Variants in DCAF8 observed in about 807,000 individuals in gnomAD.
DCAF8 encodes the protein DDB1- and CUL4-associated factor 8.
In DCAF8, 20 loss-of-function variants were observed where a neutral mutation model predicts 68.0. That is an observed-to-expected ratio of 0.29 (90% confidence interval 0.21 to 0.43). The LOEUF (loss-of-function observed/expected upper bound fraction) is 0.43, where lower values mean the gene tolerates loss of function less well. Among genes scored for constraint, DCAF8 ranks in the 20% least tolerant of loss-of-function variants. DCAF8 has a pLI of 1.00. For missense variants in DCAF8, 460 were observed against 771.0 expected, an observed-to-expected ratio of 0.60 and a Z score of 4.78; for synonymous variants, 230 against 276.9, an observed-to-expected ratio of 0.83 and a Z score of 1.68.
At chr1:160,219,194 T>A in intron 11 of DCAF8, 1 of 500,230 alleles carries the variant, frequency 2.0e-6, no homozygotes, top group Non-Finnish European at 3.5e-6. Context: ...TATGTATAGG[T>A]CGGGGGTGGC....
intron 6 of DCAF8, among the ~76,000 whole-genome samples, chr1:160,235,082 T>C (rs548651037): frequency 6.6e-6 from 1 of 152,332 alleles, no homozygotes; most frequent in South Asian, 2.1e-4. Context: ...CCTATGTAAA[T>C]CATTGCCATC....
Position 160,218,422 on chromosome 1 carries a change from G to A in DCAF8, c.1579C>T (p.Arg527Trp), listed in dbSNP as rs910347725. The change falls in exon 13 of 14, where the codon CGG becomes TGG. Residue 527 changes from arginine to tryptophan, a missense_variant. This residue lies in a region of DCAF8 where 80 missense variants were observed against 115.1 expected (regional missense o/e 0.70). Transcript: ENST00000368074. ...GLKDVIKKNKRERDEDSLHQT... is the reference protein window; with the variant it reads ...GLKDVIKKNKWERDEDSLHQT... ...TGCAAGCTATCTTCATCCCGCTCCCGCTTGTTCTTCTTAATCACCTGGAAC... is the reference window on the plus strand; with the variant it reads ...TGCAAGCTATCTTCATCCCGCTCCCACTTGTTCTTCTTAATCACCTGGAAC... The A allele has an allele frequency of 2.5e-6, 4 of 1,613,912 alleles. No homozygotes were observed. Among genetic ancestry groups the A allele is most frequent in the African/African-American group, 1.3e-5 (1 of 74,894 alleles).
chr1:160,247,750 T>C (rs185540560), intron 2 of DCAF8, among the ~76,000 whole-genome samples: 14 of 152,290 alleles, frequency 9.2e-5, no homozygotes, highest in East Asian at 5.8e-4. Flanking sequence ...ATTTTTTAAT[T>C]TGGGATGCTC....
intron 11 of DCAF8, among the ~76,000 whole-genome samples, chr1:160,222,094 C>G (rs1336742466): frequency 6.6e-6 from 1 of 152,142 alleles, no homozygotes; most frequent in African/African-American, 2.4e-5. Context: ...GACATTTCAC[C>G]CCTAAATACT....
At position 160,222,654 on chromosome 1, in the gene DCAF8, G is replaced by A. The variant is rs752366102; in HGVS notation, c.1437C>T (p.Gly479=). The A allele has an allele frequency of 9.9e-6, 16 of 1,613,890 alleles. No homozygotes were observed. The highest frequency in any genetic ancestry group is 6.6e-5 in the South Asian group (6 of 91,078). The change falls in exon 11 of 14, where the codon GGC becomes GGT. Residue 479 remains glycine, a synonymous_variant. Transcript: ENST00000368074. ...CAGCTCAGCACACCATACTCACCAC[G>A]CCTCCCTTGTCCCCCTCCATGAACT... The part of the protein sequence containing the change: ...IIQFMEGDKG[G]VVNCLEPHPH...
chr1:160,256,035 T>C (rs867199606), intron 2 of DCAF8, among the ~76,000 whole-genome samples: 457 of 147,678 alleles, frequency 3.1e-3, no homozygotes, highest in African/African-American at 0.011. Flanking sequence ...TTTTTTTTTT[T>C]TTTTTAAGAG....
At chr1:160,222,870 ACT>A in intron 10 of DCAF8, 89 bp from the exon 11 acceptor site, 1 of 1,544,930 alleles carries the variant, frequency 6.5e-7, no homozygotes, top group Non-Finnish European at 8.9e-7. Context: ...TTATTCACAA[ACT>A]CTAAATCAGC....
chr1:160,259,400 G>C (rs542513663), intron 2 of DCAF8, among the ~76,000 whole-genome samples: 10 of 152,246 alleles, frequency 6.6e-5, no homozygotes, highest in Admixed American at 5.2e-4. Flanking sequence ...GGGCATGGTG[G>C]CGCATGCCTG....
At chr1:160,236,542 CAGA>C (rs1305410929) in intron 6 of DCAF8, among the ~76,000 whole-genome samples, 3 of 151,970 alleles carry the variant, frequency 2.0e-5, no homozygotes, top group African/African-American at 7.3e-5. Context: ...AAATGAGGTT[CAGA>C]AGGTTATGTA....
At position 160,238,730 on chromosome 1, in the gene DCAF8, G is replaced by A; in HGVS notation, c.741C>T (p.Asn247=). 1 of 1,610,112 alleles carries A rather than the reference G, an allele frequency of 6.2e-7. No individual in the cohort carries two copies. The highest frequency in any genetic ancestry group is 8.5e-7 in the Non-Finnish European group (1 of 1,178,542). ...SNVFQAKFLP[N]SGDSTLAMCA... Reference sequence around the variant, plus strand: ...ACATGGCCAGAGTAGAATCACCACTGTTAGGAAGAAACTTGGCCTGGGGTG... The same window carrying A: ...ACATGGCCAGAGTAGAATCACCACTATTAGGAAGAAACTTGGCCTGGGGTG... Residue 247 remains asparagine, a synonymous_variant, in exon 5 of 14, where the codon AAC becomes AAT. Coordinates refer to ENST00000368074, the MANE Select transcript of DCAF8 (RefSeq NM_015726.4).
At chr1:160,254,520 A>C (rs1370514500) in intron 2 of DCAF8, among the ~76,000 whole-genome samples, 1 of 150,702 alleles carries the variant, frequency 6.6e-6, no homozygotes, top group African/African-American at 2.5e-5. Context: ...TTGGCCAGGT[A>C]CCATGGCTCA....
chr1:160,245,776 C>T (rs1656300440), intron 2 of DCAF8, among the ~76,000 whole-genome samples: 1 of 152,218 alleles, frequency 6.6e-6, no homozygotes, highest in African/African-American at 2.4e-5. Context: ...TCCCTCTCAA[C>T]AGTCCTTGTT....
chr1:160,224,635 C>T (rs1655408220), intron 9 of DCAF8, 86 bp from the exon 10 acceptor site: 4 of 979,974 alleles, frequency 4.1e-6, no homozygotes, highest in Non-Finnish European at 6.5e-6. Context: ...GGCTTCTTGC[C>T]AGTAGTGCCC....
Position 160,237,202 on chromosome 1 carries a change from T to C in DCAF8, c.892A>G (p.Thr298Ala). 1 of 1,576,646 alleles carries C rather than the reference T, an allele frequency of 6.3e-7. No individual in the cohort carries two copies. The highest frequency in any genetic ancestry group is 1.7e-4 in the Middle Eastern group (1 of 6,026). ...KLALEPDSPC[T>A]FLSAGEDAVV... ...GCATCTTCACCTGCAGATAAGAACG[T>C]ACAGGGAGAGTCTGGTTCCAGTGCC... The change falls in exon 6 of 14, where the codon ACG becomes GCG. Residue 298 changes from threonine (T) to alanine (A), a missense_variant. Thr to Ala is a moderately conservative substitution (Grantham distance 58, BLOSUM62 0). Around this residue, in one of 8 missense-constraint regions of DCAF8, gnomAD observed 170 missense variants for 318.2 expected, o/e 0.53. Transcript: ENST00000368074.
chr1:160,230,145 G>T (rs1245777667), intron 7 of DCAF8, among the ~76,000 whole-genome samples: 1 of 152,144 alleles, frequency 6.6e-6, no homozygotes, highest in Non-Finnish European at 1.5e-5. Context: ...CTTGAACAAG[G>T]CAAAGTCATC....
At chr1:160,238,475 A>G in intron 5 of DCAF8, 132 bp downstream of exon 5, 1 of 1,043,634 alleles carries the variant, frequency 9.6e-7, no homozygotes, top group Admixed American at 3.5e-5. Context: ...TTAACCACAA[A>G]TCTTAGGACT....
chr1:160,216,786 C>T lies in DCAF8; in HGVS notation c.*806G>A, dbSNP rs994219006. The T allele has an allele frequency of 6.6e-6, 1 of 152,578 alleles. No individual in the cohort carries two copies. The highest frequency in any genetic ancestry group is 1.5e-5 in the Non-Finnish European group (1 of 68,042). 9.5% of individuals were successfully genotyped at this position (152,578 alleles called of 1,614,324 possible). ...TATTTATAGATATAAAATTAGGCCTCTAACAGTGATAGGGACAGGGAGATT... is the reference window on the plus strand; with the variant it reads ...TATTTATAGATATAAAATTAGGCCTTTAACAGTGATAGGGACAGGGAGATT... On this transcript the variant is annotated 3_prime_UTR_variant, in exon 14 of 14. Coordinates refer to ENST00000368074, the MANE Select transcript of DCAF8 (RefSeq NM_015726.4).
chr1:160,231,480 G>A (rs775001083), intron 6 of DCAF8, 73 bp from the exon 7 acceptor site: 22 of 1,056,084 alleles, frequency 2.1e-5, no homozygotes, highest in Non-Finnish European at 3.2e-5. Flanking sequence ...GGAGAGCCAA[G>A]AGAGTCACAT....
At chr1:160,240,696 C>T (rs934459962) in intron 3 of DCAF8, among the ~76,000 whole-genome samples, 2 of 152,204 alleles carry the variant, frequency 1.3e-5, no homozygotes, top group Non-Finnish European at 2.9e-5. Context: ...CTACCATTGG[C>T]TCTGTTGTAT....
Sources: allele counts gnomAD v4.1 joint callset (sites outside exome capture counted in the v4.1 genomes callset), GRCh38; gene constraint gnomAD v4.1.1; regional missense constraint gnomAD v4.1.1; transcripts MANE v1.5; gene names NCBI Gene and HGNC (gene_info 2026-07-23, HGNC 2026-07-21).